Variants in FSTL4 observed in about 807,000 individuals in gnomAD.
FSTL4 encodes the protein follistatin-related protein 4.
Under a neutral mutation model 78.2 loss-of-function variants are expected in FSTL4, and 28 were observed. That is an observed-to-expected ratio of 0.36 (90% CI 0.27 to 0.49). The LOEUF (loss-of-function observed/expected upper bound fraction) is 0.49, where lower values mean the gene tolerates loss of function less well. Among genes scored for constraint, FSTL4 ranks in the 20% least tolerant of loss-of-function variants. The pLI is 0.98. For synonymous variants in FSTL4, 422 were observed against 440.5 expected, an observed-to-expected ratio of 0.96 and a Z score of 0.53; for missense variants, 922 against 1,084.9, an observed-to-expected ratio of 0.85 and a Z score of 2.11.
intron 13 of FSTL4, among the ~76,000 whole-genome samples, chr5:133,211,910 AT>A (rs1750739673): frequency 6.6e-6 from 1 of 152,154 alleles, no homozygotes. Context: ...CTGCTGAAAT[AT>A]ATCTCTTCTC....
rs566223749 is a variant in FSTL4 at position 133,365,158 on chromosome 5, C to T, written c.409+35580G>A. 3.4e-3 allele frequency among the ~76,000 whole-genome samples: 512 copies of T among 151,896 alleles called. 2 individuals are homozygous for T. The highest frequency in any genetic ancestry group is 0.011 in the African/African-American group (472 of 41,402). ...AAGCCATAAACCTGTCCTCCTTTTA[C>T]GAGGAGTTTGAGTTTTGACTGTTGT... On this transcript the variant is annotated intron_variant, in intron 4 of 15. Coordinates refer to ENST00000265342, the MANE Select transcript of FSTL4 (RefSeq NM_015082.2).
intron 3 of FSTL4, among the ~76,000 whole-genome samples, chr5:133,509,859 C>T (rs1758688893): frequency 1.3e-5 from 2 of 152,230 alleles, no homozygotes; most frequent in Non-Finnish European, 2.9e-5. Flanking sequence ...CCCACTGACC[C>T]AGAGCCTTGA....
chr5:133,819,102 C>A, the FSTL4 span, among the ~76,000 whole-genome samples: 1 of 150,598 alleles, frequency 6.6e-6, no homozygotes, highest in African/African-American at 2.5e-5. Context: ...GGGTCGGAAC[C>A]TGCTGTTTCC....
intron 4 of FSTL4, among the ~76,000 whole-genome samples, chr5:133,352,326 A>G (rs1332928028): frequency 3.4e-5 from 3 of 87,286 alleles, no homozygotes; most frequent in African/African-American, 1.4e-4. Flanking sequence ...ACATATATAT[A>G]CACACATATA....
chr5:133,482,039 G>A (rs1352266005), intron 3 of FSTL4, among the ~76,000 whole-genome samples: 3 of 152,178 alleles, frequency 2.0e-5, no homozygotes, highest in Non-Finnish European at 4.4e-5. Flanking sequence ...ACTGTGCTGC[G>A]GTCTGGCGAT....
In FSTL4 at chr5:133,361,932, A is replaced by G. The variant is rs1323815950; in HGVS notation, c.409+38806T>C. On this transcript the variant is annotated intron_variant, in intron 4 of 15. Coordinates refer to ENST00000265342, the MANE Select transcript of FSTL4 (RefSeq NM_015082.2). This position sits in a 1 kb window ranked among gnomAD's most constrained non-coding sequence, Gnocchi z 4.3. ...TATTCACGTAGTTGAAAACATATTT[A>G]TAATTATTTGAGCCTAGAACCTAAC... 6.6e-6 allele frequency among the ~76,000 whole-genome samples: 1 copy of G among 152,222 alleles called. No individual in the cohort carries two copies. The highest frequency in any genetic ancestry group is 2.4e-5 in the African/African-American group (1 of 41,460).
At chr5:133,827,081 C>A in the FSTL4 span, among the ~76,000 whole-genome samples, 6 of 152,340 alleles carry the variant, frequency 3.9e-5, no homozygotes, top group Non-Finnish European at 2.9e-5. Context: ...TGCAGAGGAG[C>A]CATTTGCTTT....
At chr5:133,724,282 C>T in the FSTL4 span, among the ~76,000 whole-genome samples, 1 of 152,120 alleles carries the variant, frequency 6.6e-6, no homozygotes, top group Non-Finnish European at 1.5e-5. Context: ...CTTATCTTTT[C>T]CCTGCAGAAA....
At chr5:133,349,286 C>CCTCTCTCT (rs144025396) in intron 4 of FSTL4, among the ~76,000 whole-genome samples, 4 of 143,172 alleles carry the variant, frequency 2.8e-5, no homozygotes, top group African/African-American at 1.0e-4. Flanking sequence ...CTGTTGAAAG[C>CCTCTCTCT]CTCTCTCTCT....
chr5:133,748,995 C>A, the FSTL4 span, among the ~76,000 whole-genome samples: 99 of 152,288 alleles, frequency 6.5e-4, no homozygotes, highest in Middle Eastern at 0.014. Flanking sequence ...CATATACCCA[C>A]CCTCTCAAGG....
intron 3 of FSTL4, among the ~76,000 whole-genome samples, chr5:133,513,895 G>A (rs931244879): frequency 9.9e-5 from 15 of 151,932 alleles, no homozygotes; most frequent in Non-Finnish European, 1.9e-4. Flanking sequence ...ATAAACTGTC[G>A]GGGCCGGGCG....
At chr5:133,570,674 A>C (rs900646523) in intron 2 of FSTL4, among the ~76,000 whole-genome samples, 3 of 152,222 alleles carry the variant, frequency 2.0e-5, no homozygotes, top group Non-Finnish European at 2.9e-5. Flanking sequence ...ATAAAAAAGT[A>C]GCTTGTATGA....
chr5:133,531,348 C>G (rs1759248808), intron 3 of FSTL4, among the ~76,000 whole-genome samples: 1 of 152,164 alleles, frequency 6.6e-6, no homozygotes, highest in Non-Finnish European at 1.5e-5. Flanking sequence ...GCCCTAATCT[C>G]TGTGGTCACC....
chr5:133,316,517 A>C lies in FSTL4; in HGVS notation c.545T>G (p.Leu182Arg). The C allele has an allele frequency of 6.2e-7, 1 of 1,614,192 alleles. No individual in the cohort carries two copies. ...ASQKRLLVESLFRDLDADGNG... is the reference protein window; with the variant it reads ...ASQKRLLVESRFRDLDADGNG... ...GCCATCTGCATCTAAGTCCCTGAAC[A>C]GAGATTCCACCAGGAGGCGCTTCTG... Residue 182 changes from leucine to arginine, a missense_variant, in exon 5 of 16, where the codon CTG (leucine) becomes CGG (arginine). Coordinates refer to ENST00000265342, the MANE Select transcript of FSTL4 (RefSeq NM_015082.2).
At chr5:133,250,698 G>A (rs2126823989) in intron 6 of FSTL4, among the ~76,000 whole-genome samples, 1 of 152,350 alleles carries the variant, frequency 6.6e-6, no homozygotes, top group East Asian at 1.9e-4. Flanking sequence ...CGTGTGTGTG[G>A]GAGAGGGGAA....
At chr5:133,379,852 G>A (rs781068604) in intron 4 of FSTL4, among the ~76,000 whole-genome samples, 1 of 152,044 alleles carries the variant, frequency 6.6e-6, no homozygotes, top group Non-Finnish European at 1.5e-5. Context: ...TGAGGCAGGC[G>A]GATCACAAGG....
intron 3 of FSTL4, among the ~76,000 whole-genome samples, chr5:133,453,228 G>A (rs1757416536): frequency 6.6e-6 from 1 of 152,122 alleles, no homozygotes; most frequent in South Asian, 2.1e-4. Flanking sequence ...TTCCTGAAGG[G>A]CCCCATTCAT....
intron 3 of FSTL4, among the ~76,000 whole-genome samples, chr5:133,443,105 T>C (rs956361435): frequency 6.6e-6 from 1 of 152,220 alleles, no homozygotes; most frequent in Non-Finnish European, 1.5e-5. Context: ...CAACCTCCTT[T>C]GGAGAATGTC....
intron 3 of FSTL4, among the ~76,000 whole-genome samples, chr5:133,431,911 T>C (rs999169549): frequency 2.0e-5 from 3 of 152,172 alleles, no homozygotes; most frequent in Non-Finnish European, 4.4e-5. Flanking sequence ...CTAGCATTTA[T>C]TAAGTGCAAG....
Sources: allele counts gnomAD v4.1 joint callset (sites outside exome capture counted in the v4.1 genomes callset), GRCh38; gene constraint gnomAD v4.1.1; non-coding constraint Gnocchi (gnomAD v3.1); transcripts MANE v1.5; gene names NCBI Gene and HGNC (gene_info 2026-07-23, HGNC 2026-07-21).